Variants in MMS19 observed in about 807,000 individuals in gnomAD.
MMS19 encodes the protein MMS19 cytosolic iron-sulfur assembly component.
In MMS19, 77 loss-of-function variants were observed where a neutral mutation model predicts 129.8. The ratio of observed to expected loss-of-function variants is 0.59; its 90% CI spans 0.49 to 0.72. The LOEUF (loss-of-function observed/expected upper bound fraction) is 0.72. Among genes scored for constraint, MMS19 ranks in the 30% least tolerant of loss-of-function variants. The pLI, the probability that MMS19 is intolerant of heterozygous loss-of-function variation, is 0.00. For synonymous variants in MMS19, 491 were observed against 502.8 expected (o/e 0.98, Z 0.31); for missense variants, 1,168 against 1,266.3 (o/e 0.92, Z 1.18).
intron 16 of MMS19, 115 bp from the exon 17 acceptor site, chr10:97,466,274 G>T: frequency 1.1e-6 from 1 of 891,920 alleles, no homozygotes; most frequent in Non-Finnish European, 1.8e-6. Context: ...TTGCTAAAGA[G>T]CAGAACTCAA....
rs2032718267 is a variant in MMS19, at chr10:97,463,849, G to C, written c.1912+9C>G. 6.2e-7 allele frequency: 1 copy of C among 1,607,360 alleles called. No individual in the cohort carries two copies. The highest frequency in any genetic ancestry group is 8.5e-7 in the Non-Finnish European group (1 of 1,176,944). On this transcript the variant is annotated intron_variant, in intron 19 of 30. Coordinates refer to ENST00000438925, the MANE Select transcript of MMS19 (RefSeq NM_022362.5). ...TCCCAAAGGCCAGGAAGGAGAGGTG[G>C]AAAGTTACCTGGCATAGAGGCCTGC... is the stretch of plus-strand genomic sequence containing the variant.
At chr10:97,489,668 G>A (rs560959754) in intron 1 of MMS19, among the ~76,000 whole-genome samples, 1 of 152,348 alleles carries the variant, frequency 6.6e-6, no homozygotes, top group African/African-American at 2.4e-5. Context: ...CCAAATTGCA[G>A]TTAGTCATCT....
intron 10 of MMS19, 102 bp downstream of exon 10, chr10:97,470,027 G>T: frequency 1.2e-6 from 1 of 846,362 alleles, no homozygotes. Context: ...ATCCTCTTCT[G>T]AGGCCCATGA....
In MMS19 at chr10:97,464,096, A is replaced by C. The variant is rs973294714; in HGVS notation, c.1757-83T>G. 3.4e-5 allele frequency: 44 copies of C among 1,310,540 alleles called. No individual in the cohort carries two copies. The South Asian group carries it at 5.7e-4, about 17-fold the overall frequency. 81.2% of individuals were successfully genotyped at this position (1,310,540 alleles called of 1,614,324 possible). ...CAATTACACAGCAGATGAGAGGAAC[A>C]AAGAAGAGTGACTGAAGGGACCAAG... On this transcript the variant is annotated intron_variant, in intron 18 of 30. Transcript: ENST00000438925.
chr10:97,459,132 G>A, intron 29 of MMS19, 91 bp downstream of exon 29: 1 of 1,253,510 alleles, frequency 8.0e-7, no homozygotes, highest in East Asian at 2.5e-5. Context: ...TTACACACCA[G>A]GGTGGCCAAG....
chr10:97,498,573 G>A (rs2040244711), upstream of MMS19: 6 of 669,916 alleles, frequency 9.0e-6, no homozygotes, highest in Non-Finnish European at 1.4e-5. Context: ...GGCACCGAGA[G>A]GGAAGGCGGC....
Position 97,476,678 on chromosome 10 carries a change from C to T in MMS19, c.684+5G>A. ...ATATGATCAAACAATGAAGGTGCTACTTACAGGGGTAAAATCGATAGGGAA... is the reference window on the plus strand; with the variant it reads ...ATATGATCAAACAATGAAGGTGCTATTTACAGGGGTAAAATCGATAGGGAA... On this transcript the variant is annotated splice_donor_5th_base_variant and intron_variant, in intron 8 of 30. Coordinates refer to ENST00000438925, the MANE Select transcript of MMS19 (RefSeq NM_022362.5). 1 of 1,613,514 alleles carries T rather than the reference C, an allele frequency of 6.2e-7. No individual in the cohort carries two copies. Among genetic ancestry groups the T allele is most frequent in the Non-Finnish European group, 8.5e-7 (1 of 1,179,614 alleles).
At chr10:97,481,112 C>T in intron 2 of MMS19, 70 bp from the exon 3 acceptor site, 1 of 972,414 alleles carries the variant, frequency 1.0e-6, no homozygotes, top group East Asian at 2.6e-5. Flanking sequence ...AAACATTTTA[C>T]ATTAGTCACA....
intron 1 of MMS19, 60 bp from the exon 2 acceptor site, chr10:97,484,211 A>C: frequency 8.8e-7 from 1 of 1,139,658 alleles, no homozygotes; most frequent in East Asian, 2.6e-5. Flanking sequence ...AAAGGGTTGA[A>C]TAACACTAAT....
Position 97,476,822 on chromosome 10 carries a change from T to A in MMS19, c.622+13A>T, listed in dbSNP as rs774430745. On this transcript the variant is annotated intron_variant, in intron 7 of 30. Coordinates refer to ENST00000438925, the MANE Select transcript of MMS19 (RefSeq NM_022362.5). Reference sequence around the variant, plus strand: ...AAAGCTCCAATGAGCTAATCATGGCTACCACGATATACCCAGGCTATAGTC... The same window carrying A: ...AAAGCTCCAATGAGCTAATCATGGCAACCACGATATACCCAGGCTATAGTC... 27 of 1,613,876 alleles carry A rather than the reference T, an allele frequency of 1.7e-5. No individual in the cohort carries two copies. Among genetic ancestry groups the A allele is most frequent in the Non-Finnish European group, 2.1e-5 (25 of 1,179,876 alleles).
intron 3 of MMS19, chr10:97,480,327 C>T (rs1004501339): frequency 2.2e-6 from 1 of 459,468 alleles, no homozygotes; most frequent in Non-Finnish European, 4.4e-6. Context: ...CTTCCTCCTC[C>T]CTTCCTTCTT....
At chr10:97,481,627 T>C (rs942548406) in intron 2 of MMS19, among the ~76,000 whole-genome samples, 21 of 152,138 alleles carry the variant, frequency 1.4e-4, no homozygotes, top group Non-Finnish European at 2.9e-4. Context: ...GGATTATTGA[T>C]ATAGGAGAAG....
chr10:97,498,252 G>A, intron 1 of MMS19, 21 bp downstream of exon 1: 1 of 1,535,648 alleles, frequency 6.5e-7, no homozygotes, highest in Non-Finnish European at 8.7e-7. Flanking sequence ...TGCGGAAGGC[G>A]CGCGGCGCCG....
intron 8 of MMS19, among the ~76,000 whole-genome samples, chr10:97,474,108 G>A (rs1006669921): frequency 2.0e-5 from 3 of 149,028 alleles, no homozygotes; most frequent in Non-Finnish European, 4.4e-5. Context: ...AGCTGTGATG[G>A]TGCCACTACA....
At chr10:97,461,077 C>T in intron 23 of MMS19, 70 bp from the exon 24 acceptor site, 2 of 1,284,082 alleles carry the variant, frequency 1.6e-6, no homozygotes, top group South Asian at 1.4e-5. Context: ...ATGCAAATCA[C>T]TTTAAGTGCA....
chr10:97,470,991 GC>G, intron 8 of MMS19, 130 bp from the exon 9 acceptor site: 1 of 550,380 alleles, frequency 1.8e-6, no homozygotes, highest in Non-Finnish European at 3.0e-6. Context: ...AGATAATGAG[GC>G]CCCAGCAAGA....
At chr10:97,482,286 C>T (rs1159418239) in intron 2 of MMS19, among the ~76,000 whole-genome samples, 1 of 152,170 alleles carries the variant, frequency 6.6e-6, no homozygotes, top group Non-Finnish European at 1.5e-5. Context: ...GGAAACAATC[C>T]AGATGTCCGT....
intron 11 of MMS19, 51 bp downstream of exon 11, chr10:97,469,595 T>A: frequency 6.9e-7 from 1 of 1,445,506 alleles, no homozygotes; most frequent in Middle Eastern, 1.7e-4. Flanking sequence ...TTTCCCCTCA[T>A]GCCTGACAAT....
intron 4 of MMS19, among the ~76,000 whole-genome samples, 180 bp from the exon 5 acceptor site, chr10:97,478,109 C>T (rs956077893): frequency 6.6e-6 from 1 of 152,206 alleles, no homozygotes; most frequent in African/African-American, 2.4e-5. Context: ...TTCCAGATGG[C>T]TCTGGTTTCC....
Sources: allele counts gnomAD v4.1 joint callset (sites outside exome capture counted in the v4.1 genomes callset), GRCh38; gene constraint gnomAD v4.1.1; transcripts MANE v1.5; gene names NCBI Gene and HGNC (gene_info 2026-07-23, HGNC 2026-07-21).